The following SLC29A3 variants were observed in gnomAD, a reference collection of about 807,000 sequenced individuals.
SLC29A3 encodes solute carrier family 29 member 3.
SLC29A3 carries 18 observed loss-of-function variants against 25.4 expected under a neutral mutation model. The ratio of observed to expected loss-of-function variants is 0.71; its 90% confidence interval spans 0.49 to 1.05. The LOEUF is 1.05. Among genes scored for constraint, SLC29A3 ranks in the 50% least tolerant of loss-of-function variants. SLC29A3 has a pLI of 0.00. For missense variants in SLC29A3, 586 were observed against 609.0 expected (o/e 0.96, Z 0.40); for synonymous variants, 258 against 267.1 (o/e 0.97, Z 0.33).
intron 4 of SLC29A3, chr10:71,379,721 GA>G (rs1162441826): frequency 6.6e-6 from 1 of 152,182 alleles, no homozygotes; most frequent in East Asian, 1.9e-4. Context: ...AAAGCCATTT[GA>G]GATCTTTAAG....
Position 71,340,884 on chromosome 10 carries a change from G to A in SLC29A3, c.301-3325G>A, listed in dbSNP as rs555163939. On this transcript the variant is annotated intron_variant, in intron 2 of 5. Coordinates refer to ENST00000373189, the MANE Select transcript of SLC29A3 (RefSeq NM_018344.6). ...GTGGGAATACTCCATCAGGGAGTGCGGTCCAGGGAAGTAAGAGGGAGGGAA... is the reference window on the plus strand; with the variant it reads ...GTGGGAATACTCCATCAGGGAGTGCAGTCCAGGGAAGTAAGAGGGAGGGAA... Among the ~76,000 whole-genome samples the A allele has an allele frequency of 9.2e-5, 14 of 152,286 alleles. No homozygotes were observed. In the South Asian group the frequency reaches 2.5e-3, roughly 27 times the overall value.
chr10:71,329,457 C>CGAAAA (rs3059614), intron 2 of SLC29A3, among the ~76,000 whole-genome samples: 9 of 120,476 alleles, frequency 7.5e-5, no homozygotes, highest in Non-Finnish European at 8.9e-5. Context: ...GACTCTGTCT[C>CGAAAA]AAAAAAAAAA....
Position 71,362,511 on chromosome 10 carries a change from A to G in SLC29A3, c.1331A>G (p.Glu444Gly), listed in dbSNP as rs1390402025. 1 of 1,614,188 alleles carries G rather than the reference A, an allele frequency of 6.2e-7. No homozygotes were observed. The highest frequency in any genetic ancestry group is 1.1e-5 in the South Asian group (1 of 91,084). ...LLYGPKIVPR[E>G]LAEATGVVMS... is the part of the protein sequence containing the mutation. Reference sequence around the variant, plus strand: ...TACGGGCCTAAGATTGTGCCCAGGGAGCTGGCTGAGGCCACGGGAGTGGTG... The same window carrying G: ...TACGGGCCTAAGATTGTGCCCAGGGGGCTGGCTGAGGCCACGGGAGTGGTG... Residue 444 changes from glutamate (E) to glycine (G), a missense_variant, in exon 6 of 6, where the codon GAG becomes GGG. Glu to Gly is a moderately conservative substitution (Grantham distance 98). Coordinates refer to ENST00000373189, the MANE Select transcript of SLC29A3 (RefSeq NM_018344.6).
rs77237628 is a variant in SLC29A3, at chr10:71,350,142, A to G, written c.384-1420A>G. Reference sequence around the variant, plus strand: ...CAGCTCCCTACAGACTCACTCCACAACCTTGAACTGTCCCTTCATTTCTTG... The same window carrying G: ...CAGCTCCCTACAGACTCACTCCACAGCCTTGAACTGTCCCTTCATTTCTTG... On this transcript the variant is annotated intron_variant, in intron 3 of 5. Coordinates refer to ENST00000373189, the MANE Select transcript of SLC29A3 (RefSeq NM_018344.6). Among the ~76,000 whole-genome samples, 1,296 of 152,268 alleles carry G rather than the reference A, an allele frequency of 8.5e-3. 24 individuals are homozygous for G. The highest frequency in any genetic ancestry group is 0.03 in the African/African-American group (1,245 of 41,546).
intron 3 of SLC29A3, among the ~76,000 whole-genome samples, chr10:71,350,864 A>T (rs1846736597): frequency 6.6e-6 from 1 of 152,170 alleles, no homozygotes; most frequent in African/African-American, 2.4e-5. Flanking sequence ...AGCCTCTCTG[A>T]TGTCAGCTTC....
At chr10:71,352,434 T>G (rs1465814585) in intron 4 of SLC29A3, 2 of 153,098 alleles carry the variant, frequency 1.3e-5, no homozygotes, top group Non-Finnish European at 2.9e-5. Flanking sequence ...AAAAGGCAAT[T>G]CCTGAAACCA....
chr10:71,369,481 T>TA (rs1847195056), intron 3 of SLC29A3, among the ~76,000 whole-genome samples: 1 of 152,100 alleles, frequency 6.6e-6, no homozygotes, highest in Non-Finnish European at 1.5e-5. Context: ...AATGGTGAAG[T>TA]AAAAAGGAAG....
At position 71,322,882 on chromosome 10, in the gene SLC29A3, T is replaced by A. The variant is rs146764905; in HGVS notation, c.128T>A (p.Leu43Gln). ...CTGCTGGACCGCCCGCCCCCTGGCC[T>A]GCAGAGGCCCGAGGACCGCTTCTGT... is the stretch of plus-strand genomic sequence containing the variant. ...EKLLDRPPPG[L>Q]QRPEDRFCGT... The change falls in exon 2 of 6, where the codon CTG (leucine) becomes CAG (glutamine). Residue 43 changes from leucine to glutamine, a missense_variant. Coordinates refer to ENST00000373189, the MANE Select transcript of SLC29A3 (RefSeq NM_018344.6). 1 of 1,614,232 alleles carries A rather than the reference T, an allele frequency of 6.2e-7. No individual in the cohort carries two copies. Among genetic ancestry groups the A allele is most frequent in the African/African-American group, 1.3e-5 (1 of 75,070 alleles).
At chr10:71,367,565 G>A (rs115001107), downstream of SLC29A3, among the ~76,000 whole-genome samples, 3,737 of 152,280 alleles carry the variant, frequency 0.025, 82 homozygotes, top group African/African-American at 0.051. Context: ...GCAACTCAGG[G>A]CACAGTGCAC....
chr10:71,362,072 C>T lies in SLC29A3; in HGVS notation c.892C>T (p.Leu298Phe). Residue 298 changes from leucine to phenylalanine, a missense_variant, in exon 6 of 6, where the codon CTC becomes TTC. Leu to Phe is a conservative substitution (Grantham distance 22). Transcript: ENST00000373189. ...SRFIDSHTPP[L>F]RPILKKTASL... is the part of the protein sequence containing the mutation. ...ATTCATTGATTCCCACACACCCCCT[C>T]TCCGCCCCATCCTGAAGAAGACGGC... The T allele has an allele frequency of 1.2e-6, 2 of 1,614,164 alleles. No homozygotes were observed. Among genetic ancestry groups the T allele is most frequent in the Non-Finnish European group, 1.7e-6 (2 of 1,180,034 alleles).
chr10:71,353,045 A>G (rs748988361), intron 4 of SLC29A3, among the ~76,000 whole-genome samples: 1 of 152,182 alleles, frequency 6.6e-6, no homozygotes, highest in Non-Finnish European at 1.5e-5. Flanking sequence ...TACTTTGACA[A>G]GGGTATGTCC....
chr10:71,358,757 T>C (rs1286353013), intron 5 of SLC29A3, among the ~76,000 whole-genome samples: 3 of 152,158 alleles, frequency 2.0e-5, no homozygotes, highest in Non-Finnish European at 4.4e-5. Context: ...GACAAGGGAC[T>C]GTAAGTATTA....
intron 3 of SLC29A3, among the ~76,000 whole-genome samples, chr10:71,350,417 C>T (rs1185033350): frequency 6.6e-6 from 1 of 151,598 alleles, no homozygotes; most frequent in African/African-American, 2.4e-5. Context: ...GCTTTTCTCC[C>T]AGCCCCCTCC....
intron 3 of SLC29A3, among the ~76,000 whole-genome samples, chr10:71,374,757 G>A (rs75858662): frequency 0.041 from 6,277 of 152,204 alleles, 169 homozygotes; most frequent in Middle Eastern, 0.099. Context: ...TTGGCTTGCC[G>A]CTAGCGTGTC....
At chr10:71,360,113 C>A (rs1415534731) in intron 5 of SLC29A3, among the ~76,000 whole-genome samples, 1 of 150,134 alleles carries the variant, frequency 6.7e-6, no homozygotes, top group East Asian at 1.9e-4. Context: ...GGTCCTTGCT[C>A]CAGGAACCTG....
chr10:71,358,039 A>G (rs1429312360), intron 5 of SLC29A3, among the ~76,000 whole-genome samples: 2 of 152,182 alleles, frequency 1.3e-5, no homozygotes, highest in African/African-American at 2.4e-5. Flanking sequence ...ATTTATGACA[A>G]TCTGTGCAGC....
At chr10:71,349,423 C>T (rs1358096562) in intron 3 of SLC29A3, among the ~76,000 whole-genome samples, 2 of 152,132 alleles carry the variant, frequency 1.3e-5, no homozygotes, top group Non-Finnish European at 2.9e-5. Context: ...CAGTGAGCTT[C>T]TCTCCACGGC....
At position 71,375,043 on chromosome 10, in the gene SLC29A3, G is replaced by C. The variant is rs187745122; in HGVS notation, c.*95-652G>C. Among the ~76,000 whole-genome samples, 7 of 152,344 alleles carry C rather than the reference G, an allele frequency of 4.6e-5. No homozygotes were observed. The East Asian group carries it at 1.3e-3, about 29-fold the overall frequency. On this transcript the variant is annotated intron_variant and NMD_transcript_variant, in intron 3 of 4. Coordinates refer to the SLC29A3 transcript ENST00000642772. ...CCTGAGATGGCGATAATGCAGAGGA[G>C]GAATAGCGCAGGTGGGAGTACAGAA... is the stretch of plus-strand genomic sequence containing the variant.
At chr10:71,344,504 C>G (rs1361224500) in intron 3 of SLC29A3, among the ~76,000 whole-genome samples, 1 of 152,252 alleles carries the variant, frequency 6.6e-6, no homozygotes, top group Non-Finnish European at 1.5e-5. Flanking sequence ...CAGCCACATA[C>G]TGTGACATCG....
Sources: allele counts gnomAD v4.1 joint callset (sites outside exome capture counted in the v4.1 genomes callset), GRCh38; gene constraint gnomAD v4.1.1; transcripts MANE v1.5; gene names NCBI Gene and HGNC (gene_info 2026-07-23, HGNC 2026-07-21).